Variants in PRRC2B observed in about 807,000 individuals in gnomAD.
PRRC2B encodes proline rich coiled-coil 2B.
PRRC2B carries 68 observed loss-of-function variants against 242.3 expected under a neutral mutation model. That is an observed-to-expected ratio of 0.28 (90% CI 0.23 to 0.34). PRRC2B has a LOEUF of 0.34. Among genes scored for constraint, PRRC2B ranks in the 10% least tolerant of loss-of-function variants. The pLI is 1.00. For missense variants in PRRC2B, 2,835 were observed against 2,954.8 expected, an observed-to-expected ratio of 0.96 and a Z score of 0.94; for synonymous variants, 1,228 against 1,173.6, an observed-to-expected ratio of 1.05 and a Z score of -0.95.
chr9:131,475,768 G>C lies in PRRC2B; in HGVS notation c.3639G>C (p.Gly1213=), dbSNP rs1205692187. 1.9e-6 allele frequency: 3 copies of C among 1,613,506 alleles called. No homozygotes were observed. The highest frequency in any genetic ancestry group is 3.3e-5 in the Admixed American group (2 of 59,964). The part of the protein sequence containing the change: ...RALPPRLSNC[G]YGRRTFVSKE... ...TCCCTCCCCGGCTGAGCAATTGCGG[G>C]TATGGACGGAGAACCTTCGTCTCCA... The change falls in exon 16 of 32, where the codon GGG becomes GGC. Residue 1213 remains glycine (G), a synonymous_variant. Transcript: ENST00000683519.
chr9:131,437,614 C>T (rs1191575230), intron 4 of PRRC2B, among the ~76,000 whole-genome samples: 5 of 152,240 alleles, frequency 3.3e-5, no homozygotes, highest in African/African-American at 1.2e-4. Flanking sequence ...TATAAGGTCT[C>T]AAATGTCATC....
chr9:131,465,186 C>T (rs893704121), intron 12 of PRRC2B, 108 bp downstream of exon 12: 12 of 1,090,620 alleles, frequency 1.1e-5, no homozygotes, highest in African/African-American at 3.2e-5. Flanking sequence ...TGGCTTACAA[C>T]GAGATCGTAT....
chr9:131,424,441 C>T (rs1837929096), intron 1 of PRRC2B, among the ~76,000 whole-genome samples: 1 of 152,202 alleles, frequency 6.6e-6, no homozygotes, highest in African/African-American at 2.4e-5. Flanking sequence ...AATCCCAGCA[C>T]TTCAGGAGGC....
chr9:131,490,645 C>T (rs1319670296), intron 28 of PRRC2B: 3 of 517,400 alleles, frequency 5.8e-6, no homozygotes, highest in South Asian at 1.4e-5. Flanking sequence ...ATCCCCACCT[C>T]GCATATCTTG....
rs1462922391 is a variant in PRRC2B, at chr9:131,478,468, G to A, written c.4613-6G>A. ...GACTGTTCCTTCTCGTGAAATCTTG[G>A]TTCAGGTGCCATCATTGAAAATTGC... is the stretch of plus-strand genomic sequence containing the variant. On this transcript the variant is annotated splice_region_variant and splice_polypyrimidine_tract_variant and intron_variant, in intron 17 of 31. Coordinates refer to ENST00000683519, the MANE Select transcript of PRRC2B (RefSeq NM_013318.4). 7.4e-6 allele frequency: 12 copies of A among 1,613,154 alleles called. No individual in the cohort carries two copies. Among genetic ancestry groups the A allele is most frequent in the Non-Finnish European group, 8.5e-6 (10 of 1,179,358 alleles).
At chr9:131,375,025 C>G (rs987100311) in intron 1 of PRRC2B, among the ~76,000 whole-genome samples, 12 of 152,058 alleles carry the variant, frequency 7.9e-5, no homozygotes, top group African/African-American at 2.4e-4. Context: ...GACAGACTAC[C>G]CAGGTTTGAG....
At chr9:131,488,768 A>G (rs1333583486) in intron 28 of PRRC2B, among the ~76,000 whole-genome samples, 3 of 152,156 alleles carry the variant, frequency 2.0e-5, no homozygotes. Flanking sequence ...AGCCCACACC[A>G]TAGACTGTGC....
intron 9 of PRRC2B, among the ~76,000 whole-genome samples, chr9:131,453,032 C>T (rs569422085): frequency 3.3e-5 from 5 of 152,326 alleles, no homozygotes; most frequent in African/African-American, 9.6e-5. Context: ...AGATGTTAAA[C>T]TCCAATTATG....
rs544564633 is a variant in PRRC2B, at chr9:131,403,635, G to T, written c.-52+9372G>T. ...CTCCCAAAATGCTAGAATTACAGGC[G>T]TGAGCCACTGCGCCTGGCCCATACT... On this transcript the variant is annotated intron_variant, in intron 1 of 31. Coordinates refer to ENST00000683519, the MANE Select transcript of PRRC2B (RefSeq NM_013318.4). 1.3e-4 allele frequency among the ~76,000 whole-genome samples: 20 copies of T among 148,656 alleles called. No individual in the cohort carries two copies. In the South Asian group the frequency reaches 4.3e-3, roughly 32 times the overall value.
At chr9:131,431,197 C>A (rs879257617) in intron 2 of PRRC2B, among the ~76,000 whole-genome samples, 1 of 152,124 alleles carries the variant, frequency 6.6e-6, no homozygotes, top group African/African-American at 2.4e-5. Context: ...GTGGTGTGAT[C>A]TTGGCTCACT....
chr9:131,414,034 T>C (rs975754959), intron 1 of PRRC2B, among the ~76,000 whole-genome samples: 2 of 152,206 alleles, frequency 1.3e-5, no homozygotes, highest in African/African-American at 4.8e-5. Flanking sequence ...ATCCAGACTT[T>C]ATAAAAGCTG....
chr9:131,474,542 T>A lies in PRRC2B; in HGVS notation c.2413T>A (p.Leu805Met). 1 of 1,613,934 alleles carries A rather than the reference T, an allele frequency of 6.2e-7. No homozygotes were observed. Among genetic ancestry groups the A allele is most frequent in the Non-Finnish European group, 8.5e-7 (1 of 1,179,886 alleles). ...DLFEERGEEY[L>M]SAFDKKAQAD... ...CTTTGAGGAGAGAGGGGAGGAGTAC[T>A]TGAGTGCTTTTGACAAGAAGGCCCA... Residue 805 changes from leucine (L) to methionine (M), a missense_variant, in exon 16 of 32, where the codon TTG (leucine) becomes ATG (methionine). Transcript: ENST00000683519.
intron 1 of PRRC2B, among the ~76,000 whole-genome samples, chr9:131,420,453 T>TTTTCTCTTTCTTTCTTTC (rs1554758581): frequency 3.3e-5 from 2 of 60,988 alleles, no homozygotes; most frequent in African/African-American, 5.3e-5. Context: ...TTCTTTTTCT[T>TTTTCTCTTTCTTTCTTTC]TTTCTTTCTT....
At chr9:131,381,075 G>A (rs558765840) in intron 1 of PRRC2B, among the ~76,000 whole-genome samples, 4 of 152,100 alleles carry the variant, frequency 2.6e-5, no homozygotes, top group Non-Finnish European at 5.9e-5. Context: ...GGCAAGACTT[G>A]ATTACTAAAT....
chr9:131,461,851 C>T (rs1384254563), intron 11 of PRRC2B, among the ~76,000 whole-genome samples: 1 of 152,174 alleles, frequency 6.6e-6, no homozygotes, highest in Non-Finnish European at 1.5e-5. Flanking sequence ...GAAAGGGCTT[C>T]TATTCCACAT....
intron 1 of PRRC2B, among the ~76,000 whole-genome samples, chr9:131,381,778 C>T (rs1365560258): frequency 6.6e-6 from 1 of 151,978 alleles, no homozygotes; most frequent in Admixed American, 6.6e-5. Context: ...CTCGCTCTGT[C>T]CCCCAGGCTG....
At chr9:131,435,239 A>G (rs1406423588) in intron 3 of PRRC2B, among the ~76,000 whole-genome samples, 2 of 151,750 alleles carry the variant, frequency 1.3e-5, no homozygotes, top group Non-Finnish European at 2.9e-5. Context: ...CAGAGGTTGC[A>G]GTGAGCCGAG....
intron 19 of PRRC2B, among the ~76,000 whole-genome samples, chr9:131,481,394 G>A (rs1241184759): frequency 1.3e-5 from 2 of 151,708 alleles, no homozygotes; most frequent in African/African-American, 4.8e-5. Flanking sequence ...TAGTATAAGT[G>A]AAAAGAAGCA....
intron 1 of PRRC2B, among the ~76,000 whole-genome samples, chr9:131,404,216 CTTTTT>C (rs34149279): frequency 3.1e-5 from 4 of 127,050 alleles, no homozygotes; most frequent in Admixed American, 8.0e-5. Context: ...TCCCAGTTGA[CTTTTT>C]TTTTTTTTTT....
Sources: allele counts gnomAD v4.1 joint callset (sites outside exome capture counted in the v4.1 genomes callset), GRCh38; gene constraint gnomAD v4.1.1; transcripts MANE v1.5; gene names NCBI Gene and HGNC (gene_info 2026-07-23, HGNC 2026-07-21).